The following CSMD1 variants were observed in gnomAD, a reference collection of about 807,000 sequenced individuals.
The protein encoded by CSMD1 is CUB and sushi domain-containing protein 1.
CSMD1 carries 213 observed loss-of-function variants against 417.5 expected under a neutral mutation model. That is an observed-to-expected ratio of 0.51 (90% CI 0.46 to 0.57). CSMD1 has a LOEUF of 0.57. CSMD1 is among the 20% of genes least tolerant of loss of function. The probability of loss-of-function intolerance (pLI) is 0.00; values close to 1 mark genes in which losing one functional copy is unlikely to be tolerated. For synonymous variants in CSMD1, 2,862 were observed against 1,736.8 expected (o/e 1.65, Z -16.11); for missense variants, 6,923 against 4,529.7 (o/e 1.53, Z -15.17).
chr8:4,570,507 C>T (rs952601743), intron 2 of CSMD1, among the ~76,000 whole-genome samples: 2 of 152,076 alleles, frequency 1.3e-5, no homozygotes, highest in Admixed American at 1.3e-4. Context: ...GTTGGATAAG[C>T]TTATGATGTG....
chr8:3,790,475 G>T (rs1321957431), intron 5 of CSMD1, among the ~76,000 whole-genome samples: 1 of 152,172 alleles, frequency 6.6e-6, no homozygotes, highest in Admixed American at 6.5e-5. Flanking sequence ...TGATGGTGAT[G>T]CTAATGATGA....
chr8:3,392,512 A>T (rs997920134), intron 17 of CSMD1, among the ~76,000 whole-genome samples: 1 of 151,892 alleles, frequency 6.6e-6, no homozygotes, highest in Non-Finnish European at 1.5e-5. Context: ...CGCTGGACTC[A>T]TTGGTTCCTT....
chr8:4,025,878 G>A (rs1027959579), intron 4 of CSMD1, among the ~76,000 whole-genome samples: 5 of 151,886 alleles, frequency 3.3e-5, no homozygotes, highest in African/African-American at 4.8e-5. Flanking sequence ...AGAACATCAC[G>A]GCTACATATA....
In CSMD1 at chr8:3,708,502, C is replaced by A. The variant is rs761138177; in HGVS notation, c.932-11G>T. The A allele has an allele frequency of 1.1e-5, 17 of 1,612,574 alleles. No individual in the cohort carries two copies. In the African/African-American group the frequency reaches 1.6e-4, roughly 15 times the overall value. ...CAATCGCCTTTTTCACTGGAAGAAA[C>A]AAAACCAAGCCATTAGCAGGTAAGA... On this transcript the variant is annotated splice_polypyrimidine_tract_variant and intron_variant, in intron 6 of 69. Transcript: ENST00000635120.
chr8:4,098,728 G>C (rs1464063576), intron 3 of CSMD1, among the ~76,000 whole-genome samples: 1 of 152,126 alleles, frequency 6.6e-6, no homozygotes, highest in African/African-American at 2.4e-5. Context: ...TTTCCATTCA[G>C]CAATATTTAT....
At chr8:4,114,562 A>AATAC (rs1487756118) in intron 3 of CSMD1, among the ~76,000 whole-genome samples, 7 of 5,082 alleles carry the variant, frequency 1.4e-3, no homozygotes, top group Non-Finnish European at 6.4e-3. Context: ...TAACTTAATA[A>AATAC]ATGCATAAGT....
At chr8:4,400,779 T>G (rs1401450895) in intron 3 of CSMD1, among the ~76,000 whole-genome samples, 1 of 148,898 alleles carries the variant, frequency 6.7e-6, no homozygotes, top group Non-Finnish European at 1.5e-5. Flanking sequence ...TTTTTTTTCC[T>G]TTTTAAAAAA....
chr8:4,624,581 G>A lies in CSMD1; in HGVS notation c.302+12761C>T, dbSNP rs59666597. Among the ~76,000 whole-genome samples the A allele has an allele frequency of 2.2e-3, 336 of 152,264 alleles. 2 individuals are homozygous for A. The highest frequency in any genetic ancestry group is 7.8e-3 in the African/African-American group (326 of 41,536). On this transcript the variant is annotated intron_variant, in intron 2 of 69. Transcript: ENST00000635120. ...CACATATTGAAGATTCTTTGCTGCT[G>A]ATGAACAATGGAAGATCCACGACAT...
chr8:4,026,641 A>G (rs994673921), intron 4 of CSMD1, among the ~76,000 whole-genome samples: 3 of 152,378 alleles, frequency 2.0e-5, no homozygotes, highest in African/African-American at 2.4e-5. Context: ...CTGGGAAGCT[A>G]CAAGCTAACA....
At chr8:3,670,619 T>A (rs774658458) in intron 7 of CSMD1, among the ~76,000 whole-genome samples, 1 of 148,288 alleles carries the variant, frequency 6.7e-6, no homozygotes, top group African/African-American at 2.5e-5. Flanking sequence ...TATATGGGGA[T>A]ATATATATGG....
At chr8:4,454,271 T>G (rs1197522836) in intron 2 of CSMD1, among the ~76,000 whole-genome samples, 1 of 152,186 alleles carries the variant, frequency 6.6e-6, no homozygotes, top group Non-Finnish European at 1.5e-5. Context: ...ACTGCCTAAC[T>G]GGACTCCTGA....
In CSMD1 at chr8:4,792,654, T is replaced by C. The variant is rs149654224; in HGVS notation, c.86-155096A>G. On this transcript the variant is annotated intron_variant, in intron 1 of 69. Transcript: ENST00000635120. ...ACTGTTTTCTAATCTTTTGTAATTA[T>C]ATGGGACACTCAATTTATAATCAAT... Among the ~76,000 whole-genome samples, 60 of 152,294 alleles carry C rather than the reference T, an allele frequency of 3.9e-4. 1 individual carries two copies. The East Asian group carries it at 0.011, about 27-fold the overall frequency.
intron 7 of CSMD1, among the ~76,000 whole-genome samples, chr8:3,627,488 A>C (rs1250704638): frequency 6.6e-6 from 1 of 152,170 alleles, no homozygotes; most frequent in African/African-American, 2.4e-5. Flanking sequence ...TATTATTTTT[A>C]TTTATATAAC....
intron 52 of CSMD1, among the ~76,000 whole-genome samples, chr8:3,005,707 G>A (rs1366085520): frequency 1.3e-5 from 2 of 152,150 alleles, no homozygotes; most frequent in African/African-American, 2.4e-5. Flanking sequence ...AAAGGCCTTT[G>A]ACAAAATTCA....
At chr8:4,758,002 C>A (rs189250374) in intron 1 of CSMD1, among the ~76,000 whole-genome samples, 1 of 149,920 alleles carries the variant, frequency 6.7e-6, no homozygotes, top group East Asian at 2.0e-4. Flanking sequence ...GAAAGCACCA[C>A]ATTATCCTTG....
intron 7 of CSMD1, among the ~76,000 whole-genome samples, chr8:3,671,379 T>C (rs1190987221): frequency 6.8e-6 from 1 of 147,702 alleles, no homozygotes; most frequent in African/African-American, 2.5e-5. Context: ...CTGAAAACTT[T>C]TATATCTCAG....
Position 2,978,902 on chromosome 8 carries a change from A to G in CSMD1, c.8378-102T>C, listed in dbSNP as rs1805166772. Reference sequence around the variant, plus strand: ...ATTCCTCATCATTTTAGAAAGTTCAAAAACTGACAACATGATGGCTGAGGC... The same window carrying G: ...ATTCCTCATCATTTTAGAAAGTTCAGAAACTGACAACATGATGGCTGAGGC... On this transcript the variant is annotated intron_variant, in intron 54 of 69. Coordinates refer to ENST00000635120, the MANE Select transcript of CSMD1 (RefSeq NM_033225.6). The G allele has an allele frequency of 1.0e-5, 10 of 993,466 alleles. No individual in the cohort carries two copies. In the South Asian group the frequency reaches 1.9e-4, roughly 19 times the overall value. The allele number at this position is 993,466 out of a possible 1,614,324, so 61.5% of individuals were successfully genotyped here. A position where few individuals can be genotyped will look rare whatever the true frequency, so the allele number is the denominator to read the frequency against.
intron 23 of CSMD1, among the ~76,000 whole-genome samples, chr8:3,319,525 T>A (rs999944946): frequency 1.3e-5 from 2 of 152,178 alleles, no homozygotes; most frequent in Non-Finnish European, 2.9e-5. Flanking sequence ...AATACCATAA[T>A]TAAAATGTAT....
Position 4,088,534 on chromosome 8 carries a change from A to T in CSMD1, c.416-56435T>A, listed in dbSNP as rs190545205. ...AACCCATGTCACTGGTTAGGATGCA[A>T]AACTAAATCTCTCAAACCTTAAAAA... On this transcript the variant is annotated intron_variant, in intron 3 of 69. Transcript: ENST00000635120. Among the ~76,000 whole-genome samples, 24 of 152,250 alleles carry T rather than the reference A, an allele frequency of 1.6e-4. No individual in the cohort carries two copies. The East Asian group carries it at 4.3e-3, about 27-fold the overall frequency.
Sources: gnomAD v4.1 joint callset for allele counts (sites outside exome capture counted in the v4.1 genomes callset) on GRCh38, gnomAD v4.1.1 for gene constraint, MANE v1.5 for transcripts, NCBI Gene and HGNC (gene_info 2026-07-23, HGNC 2026-07-21) for gene names.